Variants in RIMBP2 observed in about 807,000 individuals in gnomAD.
RIMBP2 encodes the protein RIMS-binding protein 2.
In RIMBP2, 48 loss-of-function variants were observed where a neutral mutation model predicts 118.6. That is an observed-to-expected ratio of 0.40 (90% CI 0.32 to 0.51). The LOEUF (loss-of-function observed/expected upper bound fraction) is 0.51, where lower values mean the gene tolerates loss of function less well. RIMBP2 is among the 20% of genes least tolerant of loss of function. The probability of loss-of-function intolerance (pLI) is 0.41; values close to 1 mark genes in which losing one functional copy is unlikely to be tolerated. For missense variants in RIMBP2, 1,551 were observed against 1,768.3 expected (o/e 0.88, Z 2.20); for synonymous variants, 762 against 742.9 (o/e 1.03, Z -0.42).
At chr12:130,513,457 A>G (rs2051125066) in intron 3 of RIMBP2, among the ~76,000 whole-genome samples, 1 of 152,218 alleles carries the variant, frequency 6.6e-6, no homozygotes, top group Admixed American at 6.5e-5. Context: ...CAGCTACTCA[A>G]TGTGACGAAA....
At chr12:130,499,194 A>G (rs558202049) in intron 4 of RIMBP2, among the ~76,000 whole-genome samples, 1 of 152,304 alleles carries the variant, frequency 6.6e-6, no homozygotes, top group South Asian at 2.1e-4. Flanking sequence ...GCAAGGGAGA[A>G]ATCTGCCCCC....
chr12:130,440,357 G>A (rs2078019000), intron 11 of RIMBP2, among the ~76,000 whole-genome samples: 1 of 152,136 alleles, frequency 6.6e-6, no homozygotes, highest in Non-Finnish European at 1.5e-5. Flanking sequence ...TGACCTACAT[G>A]TGATTGTCCC....
intron 4 of RIMBP2, among the ~76,000 whole-genome samples, chr12:130,488,668 C>T (rs2082681310): frequency 6.6e-6 from 1 of 151,324 alleles, no homozygotes; most frequent in Admixed American, 6.6e-5. Flanking sequence ...TTCTTTCTAT[C>T]ACTAACCCTC....
rs369017928 is a variant in RIMBP2 at position 130,428,223 on chromosome 12, C to G, written c.2368G>C (p.Gly790Arg). ...GTGCCGCTGGGCCGCCTCCTTCCCC[C>G]ATCTTCCAGCTGCATTTCAGAATAC... is the stretch of plus-strand genomic sequence containing the variant. ...ELYSEMQLEDGGRRRPSGTSH... is the reference protein window; with the variant it reads ...ELYSEMQLEDRGRRRPSGTSH... Residue 790 changes from glycine (G) to arginine (R), a missense_variant, in exon 15 of 23, where the codon GGG becomes CGG. Gly to Arg is a moderately radical substitution (Grantham distance 125). This residue lies in a region of RIMBP2 where 1,038 missense variants were observed against 1,125.1 expected (regional missense o/e 0.92). Transcript: ENST00000690449. 1.1e-4 allele frequency: 173 copies of G among 1,613,216 alleles called. No individual in the cohort carries two copies. Among genetic ancestry groups the G allele is most frequent in the Non-Finnish European group, 1.3e-4 (159 of 1,179,696 alleles).
chr12:130,433,005 T>C (rs1233422538), intron 14 of RIMBP2, among the ~76,000 whole-genome samples: 3 of 152,180 alleles, frequency 2.0e-5, no homozygotes, highest in African/African-American at 7.2e-5. Context: ...AAGGCCTGGC[T>C]GGCATGGCTG....
chr12:130,604,522 A>C (rs1182910713), intron 2 of RIMBP2, among the ~76,000 whole-genome samples: 4 of 139,490 alleles, frequency 2.9e-5, no homozygotes, highest in Non-Finnish European at 6.2e-5. Flanking sequence ...CACTCACCAG[A>C]GCAACTTCCG....
intron 1 of RIMBP2, among the ~76,000 whole-genome samples, chr12:130,689,956 G>A (rs1336611569): frequency 6.6e-6 from 1 of 152,132 alleles, no homozygotes; most frequent in Admixed American, 6.5e-5. Context: ...CAGGAGTAAG[G>A]GGAGAACCTA....
At chr12:130,691,746 A>C (rs2065316422) in intron 1 of RIMBP2, among the ~76,000 whole-genome samples, 2 of 152,210 alleles carry the variant, frequency 1.3e-5, no homozygotes. Flanking sequence ...GAAGGGAAGG[A>C]GCTCATGCAG....
At chr12:130,607,945 C>T (rs984206299) in intron 2 of RIMBP2, among the ~76,000 whole-genome samples, 2 of 152,098 alleles carry the variant, frequency 1.3e-5, no homozygotes, top group Admixed American at 6.5e-5. Context: ...GAGGGCCAGG[C>T]GCAGAAGGTA....
chr12:130,399,009 CTT>C (rs79117967), intron 22 of RIMBP2: 6,218 of 406,428 alleles, frequency 0.015, no homozygotes, highest in Non-Finnish European at 0.018. Context: ...TTCTTTGTAT[CTT>C]TTTTTTTTTT....
Position 130,700,659 on chromosome 12 carries a change from G to C in RIMBP2, c.-352+15563C>G, listed in dbSNP as rs369269600. Among the ~76,000 whole-genome samples the C allele has an allele frequency of 1.4e-4, 22 of 152,320 alleles. No homozygotes were observed. In the East Asian group the frequency reaches 3.7e-3, roughly 25 times the overall value. ...AAGAGGCAGGAAAGATCCCACCCTG[G>C]AGCACAGCCCTGCCAGCGCCTGGAT... On this transcript the variant is annotated intron_variant, in intron 1 of 22. Coordinates refer to ENST00000690449, the MANE Select transcript of RIMBP2 (RefSeq NM_001393629.1).
At position 130,428,309 on chromosome 12, in the gene RIMBP2, T is replaced by C. The variant is rs369403600; in HGVS notation, c.2282A>G (p.His761Arg). Residue 761 changes from histidine to arginine, a missense_variant, in exon 15 of 23, where the codon CAC becomes CGC. His to Arg is a conservative substitution (Grantham distance 29, BLOSUM62 0). Around this residue, in one of 5 missense-constraint regions of RIMBP2, gnomAD observed 1,038 missense variants for 1,125.1 expected, o/e 0.92. Coordinates refer to ENST00000690449, the MANE Select transcript of RIMBP2 (RefSeq NM_001393629.1). ...QPHCCHGDEY[H>R]TESSRGSDLS... ...GTCAGACCCCCGGCTGCTCTCTGTG[T>C]GGTACTCGTCTCCATGGCAACAGTG... 3.7e-6 allele frequency: 6 copies of C among 1,612,454 alleles called. No homozygotes were observed. Among genetic ancestry groups the C allele is most frequent in the East Asian group, 4.5e-5 (2 of 44,770 alleles).
chr12:130,601,426 T>C (rs1183749153), intron 2 of RIMBP2, among the ~76,000 whole-genome samples: 1 of 150,006 alleles, frequency 6.7e-6, no homozygotes, highest in Non-Finnish European at 1.5e-5. Context: ...TGGGTTGTGG[T>C]ATATCCATCA....
intron 4 of RIMBP2, among the ~76,000 whole-genome samples, chr12:130,480,572 C>T (rs1486616633): frequency 2.0e-5 from 3 of 152,186 alleles, no homozygotes; most frequent in Admixed American, 2.0e-4. Flanking sequence ...TTTACAATTC[C>T]ATTGATTTTT....
chr12:130,531,385 T>C (rs1038484829), intron 2 of RIMBP2, among the ~76,000 whole-genome samples: 1 of 152,224 alleles, frequency 6.6e-6, no homozygotes, highest in African/African-American at 2.4e-5. Flanking sequence ...TCTAGTCCCA[T>C]GCATGTGTTT....
At chr12:130,489,924 G>A (rs1042542049) in intron 4 of RIMBP2, among the ~76,000 whole-genome samples, 2 of 152,066 alleles carry the variant, frequency 1.3e-5, no homozygotes, top group African/African-American at 4.8e-5. Context: ...AGGAGATCGA[G>A]ACCATCCTGG....
chr12:130,560,458 AC>A (rs145909804), intron 2 of RIMBP2, among the ~76,000 whole-genome samples: 1 of 151,210 alleles, frequency 6.6e-6, no homozygotes, highest in Middle Eastern at 3.4e-3. Flanking sequence ...ATGCCACTAG[AC>A]CCCCCACCGG....
At chr12:130,494,969 C>T (rs1488299167) in intron 4 of RIMBP2, among the ~76,000 whole-genome samples, 1 of 152,252 alleles carries the variant, frequency 6.6e-6, no homozygotes, top group Non-Finnish European at 1.5e-5. Context: ...CCCGCTCCAG[C>T]TGCTGGCGTG....
intron 2 of RIMBP2, among the ~76,000 whole-genome samples, chr12:130,538,023 C>T (rs551732135): frequency 6.6e-6 from 1 of 152,104 alleles, no homozygotes; most frequent in East Asian, 1.9e-4. Flanking sequence ...CAAAAACTGA[C>T]AAAAGCAAAA....
Sources: allele counts gnomAD v4.1 joint callset (sites outside exome capture counted in the v4.1 genomes callset), GRCh38; gene constraint gnomAD v4.1.1; regional missense constraint gnomAD v4.1.1; transcripts MANE v1.5; gene names NCBI Gene and HGNC (gene_info 2026-07-23, HGNC 2026-07-21).